The following SRL variants were observed in gnomAD, a reference collection of about 807,000 sequenced individuals.
The protein encoded by SRL is sarcalumenin.
SRL carries 23 observed loss-of-function variants against 39.5 expected under a neutral mutation model. The ratio of observed to expected loss-of-function variants is 0.58; its 90% confidence interval spans 0.42 to 0.82. SRL has a LOEUF of 0.82. Among genes scored for constraint, SRL ranks in the 40% least tolerant of loss-of-function variants. SRL has a pLI of 0.00. For synonymous variants in SRL, 272 were observed against 237.4 expected (o/e 1.15, Z -1.34); for missense variants, 592 against 607.8 (o/e 0.97, Z 0.27).
chr16:4,209,159 G>A (rs766789929), intron 1 of SRL, among the ~76,000 whole-genome samples: 15 of 151,964 alleles, frequency 9.9e-5, no homozygotes, highest in Non-Finnish European at 1.8e-4. Flanking sequence ...CTGTAATCCC[G>A]GCTACTCAGG....
intron 1 of SRL, among the ~76,000 whole-genome samples, chr16:4,230,547 A>T (rs1019769329): frequency 5.5e-5 from 8 of 144,508 alleles, no homozygotes; most frequent in African/African-American, 2.0e-4. Flanking sequence ...TGACTGGCTA[A>T]TTTTTTTTTT....
chr16:4,206,132 C>G (rs549470441), intron 1 of SRL, among the ~76,000 whole-genome samples: 3 of 152,134 alleles, frequency 2.0e-5, no homozygotes, highest in Non-Finnish European at 4.4e-5. Flanking sequence ...TCACACTGCC[C>G]GAGAGCTTAG....
intron 1 of SRL, among the ~76,000 whole-genome samples, chr16:4,217,274 C>A (rs939792680): frequency 6.6e-6 from 1 of 152,068 alleles, no homozygotes; most frequent in African/African-American, 2.4e-5. Flanking sequence ...TTTTACAGAC[C>A]CTGTCCCTTA....
chr16:4,224,650 G>T (rs1450009741), intron 1 of SRL, among the ~76,000 whole-genome samples: 2 of 151,876 alleles, frequency 1.3e-5, no homozygotes, highest in Non-Finnish European at 2.9e-5. Context: ...GACGGAGTTT[G>T]CAGTGAGCGG....
At chr16:4,240,042 G>C (rs574736912) in intron 1 of SRL, among the ~76,000 whole-genome samples, 1 of 152,310 alleles carries the variant, frequency 6.6e-6, no homozygotes, top group East Asian at 1.9e-4. Flanking sequence ...AGGCGAGAAG[G>C]AGGGCTGCAG....
In SRL at chr16:4,216,345, C is replaced by T. The variant is rs368635863; in HGVS notation, c.62-11711G>A. On this transcript the variant is annotated intron_variant, in intron 1 of 5. Coordinates refer to ENST00000399609, the MANE Select transcript of SRL (RefSeq NM_001098814.2). ...GGAGTACAGTGGTACAATCTCAGCTCACTGCAACCTCTGCCTCCTAGATTC... is the reference window on the plus strand; with the variant it reads ...GGAGTACAGTGGTACAATCTCAGCTTACTGCAACCTCTGCCTCCTAGATTC... Among the ~76,000 whole-genome samples, 35 of 152,210 alleles carry T rather than the reference C, an allele frequency of 2.3e-4. No homozygotes were observed. The East Asian group carries it at 6.6e-3, about 29-fold the overall frequency.
chr16:4,207,127 C>T (rs202237172), intron 1 of SRL: 96 of 456,514 alleles, frequency 2.1e-4, no homozygotes, highest in Non-Finnish European at 3.6e-4. Flanking sequence ...TCCTCGGAGG[C>T]GCCCTCTGCT....
intron 1 of SRL, among the ~76,000 whole-genome samples, chr16:4,205,115 A>C (rs1033840202): frequency 1.3e-5 from 2 of 152,036 alleles, no homozygotes; most frequent in African/African-American, 4.8e-5. Context: ...TGGAGCCCAA[A>C]AGTTGGAGAC....
Position 4,190,495 on chromosome 16 carries a change from T to A in SRL, c.*1658A>T. The stretch of plus-strand genomic sequence containing the variant: ...ATGCACAGACTGTGCACCATGCACA[T>A]TTCACCATCCAAAGGCTGCTTCTTC... On this transcript the variant is annotated 3_prime_UTR_variant, in exon 6 of 6. Transcript: ENST00000399609. The A allele has an allele frequency of 2.5e-6, 1 of 398,800 alleles. No homozygotes were observed. Among genetic ancestry groups the A allele is most frequent in the Non-Finnish European group, 4.4e-6 (1 of 226,224 alleles). The allele number at this position is 398,800 out of a possible 1,614,324, so 24.7% of individuals were successfully genotyped here.
At chr16:4,194,655 T>G (rs2141021812) in intron 5 of SRL, among the ~76,000 whole-genome samples, 1 of 152,256 alleles carries the variant, frequency 6.6e-6, no homozygotes, top group South Asian at 2.1e-4. Context: ...GAGCCCCAGC[T>G]TGAACCTCTC....
At chr16:4,213,649 G>A (rs889083960) in intron 1 of SRL, among the ~76,000 whole-genome samples, 9 of 151,806 alleles carry the variant, frequency 5.9e-5, no homozygotes, top group Admixed American at 2.6e-4. Flanking sequence ...GGCCTCAAGC[G>A]ATCCTCCCAC....
chr16:4,198,345 C>A (rs2052177140), intron 3 of SRL, among the ~76,000 whole-genome samples: 1 of 152,122 alleles, frequency 6.6e-6, no homozygotes, highest in South Asian at 2.1e-4. Flanking sequence ...GGACTCAGAC[C>A]CTTCCTGTCT....
chr16:4,190,627 CCTAAT>C lies in SRL; in HGVS notation c.*1521_*1525del. 1 of 397,582 alleles carries C rather than the reference CCTAAT, an allele frequency of 2.5e-6. No individual in the cohort carries two copies. Among genetic ancestry groups the C allele is most frequent in the Non-Finnish European group, 4.4e-6 (1 of 225,840 alleles). The allele number at this position is 397,582 out of a possible 1,614,324, so 24.6% of individuals were successfully genotyped here. A position where few individuals can be genotyped will look rare whatever the true frequency, so the allele number is the denominator to read the frequency against. ...TACTCCCTAGAGTCTATGTGATCTC[CCTAAT>C]CTCTCTTGGACAACATACACACATA... On this transcript the variant is annotated 3_prime_UTR_variant, in exon 6 of 6. Transcript: ENST00000399609.
chr16:4,226,336 G>A (rs2141061168), intron 1 of SRL, among the ~76,000 whole-genome samples: 1 of 152,218 alleles, frequency 6.6e-6, no homozygotes, highest in African/African-American at 2.4e-5. Flanking sequence ...ATGGATGGAT[G>A]AACAGACGAA....
rs2052047253 is a variant in SRL at position 4,190,444 on chromosome 16, G to A, written c.*1709C>T. On this transcript the variant is annotated 3_prime_UTR_variant, in exon 6 of 6. Transcript: ENST00000399609. ...GGCTGTGTACAAAGGAGCCCCTCGA[G>A]GCAGCCCGGGCTGGGTCTCCTGGGC... is the stretch of plus-strand genomic sequence containing the variant. The A allele has an allele frequency of 1.8e-5, 7 of 398,582 alleles. No homozygotes were observed. The Admixed American group carries it at 3.1e-4, about 18-fold the overall frequency. 24.7% of individuals were successfully genotyped at this position (398,582 alleles called of 1,614,324 possible).
In SRL at chr16:4,223,164, G is replaced by A. The variant is rs181728175; in HGVS notation, c.62-18530C>T. ...GGAGAATGGCATGAACCTAGGAGGT[G>A]GAGTTTGCAGTGAGCAGAGATCATG... On this transcript the variant is annotated intron_variant, in intron 1 of 5. Coordinates refer to ENST00000399609, the MANE Select transcript of SRL (RefSeq NM_001098814.2). Among the ~76,000 whole-genome samples the A allele has an allele frequency of 2.0e-4, 30 of 150,712 alleles. No homozygotes were observed. In the East Asian group the frequency reaches 5.9e-3, roughly 29 times the overall value.
intron 1 of SRL, among the ~76,000 whole-genome samples, chr16:4,224,403 T>C (rs2052564335): frequency 6.6e-6 from 1 of 151,892 alleles, no homozygotes; most frequent in African/African-American, 2.4e-5. Flanking sequence ...ACAAGATATT[T>C]CTAATTATAA....
intron 1 of SRL, among the ~76,000 whole-genome samples, chr16:4,211,374 C>T (rs1185326450): frequency 6.6e-6 from 1 of 152,234 alleles, no homozygotes; most frequent in Non-Finnish European, 1.5e-5. Context: ...GGCTTCTCCT[C>T]TGGGAATCCA....
chr16:4,230,590 T>C (rs1221822377), intron 1 of SRL, among the ~76,000 whole-genome samples: 7 of 151,604 alleles, frequency 4.6e-5, no homozygotes, highest in Non-Finnish European at 7.4e-5. Flanking sequence ...GGTTTCACCA[T>C]GTTGGCCAGG....
Sources: allele counts gnomAD v4.1 joint callset (sites outside exome capture counted in the v4.1 genomes callset), GRCh38; gene constraint gnomAD v4.1.1; transcripts MANE v1.5; gene names NCBI Gene and HGNC (gene_info 2026-07-23, HGNC 2026-07-21).